Variants in AFF3 observed in about 807,000 individuals in gnomAD.
The protein encoded by AFF3 is ALF transcription elongation factor 3.
Under a neutral mutation model 129.7 loss-of-function variants are expected in AFF3, and 32 were observed. The observed-to-expected ratio is 0.25, with a 90% CI of 0.19 to 0.33. AFF3 has a LOEUF of 0.33. AFF3 is among the 10% of genes least tolerant of loss of function. AFF3 has a pLI of 1.00. For synonymous variants in AFF3, 644 were observed against 635.4 expected (o/e 1.01, Z -0.20); for missense variants, 1,373 against 1,592.0 (o/e 0.86, Z 2.34).
At chr2:99,949,380 A>G (rs1000958751) in intron 7 of AFF3, among the ~76,000 whole-genome samples, 6 of 152,166 alleles carry the variant, frequency 3.9e-5, no homozygotes, top group African/African-American at 1.2e-4. Flanking sequence ...ATTTTGTGGA[A>G]GACAATTTTT....
chr2:100,014,887 G>T (rs1682872034), intron 4 of AFF3, among the ~76,000 whole-genome samples: 1 of 147,862 alleles, frequency 6.8e-6, no homozygotes. Context: ...AGGTTCAAGT[G>T]ATTCTTTTGC....
chr2:100,105,816 C>T, intron 2 of AFF3: 1 of 1,348,556 alleles, frequency 7.4e-7, no homozygotes, highest in Non-Finnish European at 9.8e-7. Context: ...CCAGGGATTC[C>T]CCAGAATTCC....
rs566430650 is a variant in AFF3, at chr2:99,729,410, G to A, written c.1040-2282C>T. ...GGTTCTGGCAAATAGGAAGGATATA[G>A]TGGGGCCAAACAGGACATGGTGAAC... On this transcript the variant is annotated intron_variant, in intron 10 of 24. Transcript: ENST00000672756. Among the ~76,000 whole-genome samples the A allele has an allele frequency of 6.6e-5, 10 of 152,252 alleles. No homozygotes were observed. In the South Asian group the frequency reaches 1.9e-3, roughly 28 times the overall value.
chr2:99,852,206 CA>C (rs1366804432), intron 7 of AFF3, among the ~76,000 whole-genome samples: 2 of 152,110 alleles, frequency 1.3e-5, no homozygotes, highest in African/African-American at 2.4e-5. Context: ...CAGCCCTGAT[CA>C]ATACAGCCTC....
intron 8 of AFF3, among the ~76,000 whole-genome samples, chr2:99,773,829 C>G (rs1192814740): frequency 6.6e-6 from 1 of 152,080 alleles, no homozygotes; most frequent in Non-Finnish European, 1.5e-5. Flanking sequence ...TCTAGAAAAC[C>G]CCATCGTCTC....
chr2:99,822,578 T>C (rs1036225057), intron 8 of AFF3, among the ~76,000 whole-genome samples: 1 of 152,184 alleles, frequency 6.6e-6, no homozygotes, highest in Non-Finnish European at 1.5e-5. Context: ...CTCTGTCCCC[T>C]GCTTATTCTT....
At chr2:99,582,010 ACGC>A in intron 17 of AFF3, among the ~76,000 whole-genome samples, 1 of 152,084 alleles carries the variant, frequency 6.6e-6, no homozygotes, top group East Asian at 1.9e-4. Context: ...GCCTGCCACC[ACGC>A]TAGGCTAATT....
intron 4 of AFF3, among the ~76,000 whole-genome samples, chr2:100,090,506 G>A (rs1573394242): frequency 6.6e-6 from 1 of 152,274 alleles, no homozygotes; most frequent in Non-Finnish European, 1.5e-5. Flanking sequence ...GACAATCCAT[G>A]CACAGTGAAG....
At chr2:99,589,397 ATTTT>A (rs55888825) in intron 15 of AFF3, among the ~76,000 whole-genome samples, 6 of 103,378 alleles carry the variant, frequency 5.8e-5, no homozygotes, top group Non-Finnish European at 9.3e-5. Context: ...AGATGTCAAC[ATTTT>A]TTTTTTTTTT....
chr2:100,021,808 A>G (rs534430957), intron 4 of AFF3, among the ~76,000 whole-genome samples: 2 of 152,342 alleles, frequency 1.3e-5, no homozygotes, highest in South Asian at 2.1e-4. Context: ...AAGTCACACA[A>G]TAAGTATTAG....
intron 13 of AFF3, among the ~76,000 whole-genome samples, chr2:99,637,192 A>G (rs1431766181): frequency 6.6e-6 from 1 of 152,252 alleles, no homozygotes; most frequent in African/African-American, 2.4e-5. Flanking sequence ...ACAGAACAAA[A>G]CAAAACAGAT....
intron 11 of AFF3, 41 bp downstream of exon 11, chr2:99,727,036 T>A: frequency 6.5e-7 from 1 of 1,540,018 alleles, no homozygotes; most frequent in Non-Finnish European, 8.9e-7. Context: ...TGAGGCATAT[T>A]TAAGAACAGG....
intron 13 of AFF3, among the ~76,000 whole-genome samples, chr2:99,612,946 T>C (rs1681073034): frequency 6.6e-6 from 1 of 152,250 alleles, no homozygotes; most frequent in African/African-American, 2.4e-5. Flanking sequence ...GCTGGAAGGA[T>C]ATTCAAATGT....
intron 12 of AFF3, among the ~76,000 whole-genome samples, chr2:99,661,645 A>T (rs1011749453): frequency 1.3e-5 from 2 of 152,220 alleles, no homozygotes; most frequent in Non-Finnish European, 2.9e-5. Flanking sequence ...CAGCGTTATG[A>T]GTCTCTGTGC....
At chr2:99,561,748 A>G (rs1326864901) in intron 20 of AFF3, among the ~76,000 whole-genome samples, 1 of 152,150 alleles carries the variant, frequency 6.6e-6, no homozygotes, top group African/African-American at 2.4e-5. Flanking sequence ...TATTGTATAT[A>G]TATCTATGTG....
At chr2:99,801,637 A>G (rs1340057719) in intron 8 of AFF3, among the ~76,000 whole-genome samples, 1 of 152,194 alleles carries the variant, frequency 6.6e-6, no homozygotes, top group Non-Finnish European at 1.5e-5. Context: ...ATCTGGATGC[A>G]GGAGGCTGCT....
intron 7 of AFF3, among the ~76,000 whole-genome samples, chr2:99,889,879 C>G (rs550786336): frequency 6.6e-6 from 1 of 152,102 alleles, no homozygotes; most frequent in Non-Finnish European, 1.5e-5. Flanking sequence ...AGGCTGGTCT[C>G]GAACTCCCGA....
At chr2:99,981,893 CTTGTCCA>C (rs2104513042) in intron 7 of AFF3, among the ~76,000 whole-genome samples, 1 of 152,334 alleles carries the variant, frequency 6.6e-6, no homozygotes, top group East Asian at 1.9e-4. Context: ...ATGTTATGTT[CTTGTCCA>C]TGGACTGTTA....
chr2:99,678,617 A>G (rs1674230748), intron 11 of AFF3, among the ~76,000 whole-genome samples: 6 of 152,112 alleles, frequency 3.9e-5, no homozygotes, highest in Admixed American at 3.9e-4. Flanking sequence ...CTGAGTTTTA[A>G]TTGGGCTGTT....
Sources: allele counts gnomAD v4.1 joint callset (sites outside exome capture counted in the v4.1 genomes callset), GRCh38; gene constraint gnomAD v4.1.1; transcripts MANE v1.5; gene names NCBI Gene and HGNC (gene_info 2026-07-23, HGNC 2026-07-21).